The following DNAJC15 variants were observed in gnomAD, a reference collection of about 807,000 sequenced individuals.
DNAJC15 encodes DnaJ heat shock protein family (Hsp40) member C15.
In DNAJC15, 27 loss-of-function variants were observed where a neutral mutation model predicts 22.4. That is an observed-to-expected ratio of 1.20 (90% CI 0.89 to 1.66). DNAJC15 has a LOEUF of 1.66. Among genes scored for constraint, DNAJC15 ranks in the 40% most tolerant of loss-of-function variants. DNAJC15 has a pLI of 0.00. For synonymous variants in DNAJC15, 79 were observed against 63.2 expected (o/e 1.25, Z -1.19); for missense variants, 208 against 187.1 (o/e 1.11, Z -0.65).
rs1159591692 is a variant in DNAJC15 at position 43,112,184 on chromosome 13, TC to T, written c.*4937del. The T allele has an allele frequency of 6.6e-6, 1 of 152,230 alleles. No individual in the cohort carries two copies. The highest frequency in any genetic ancestry group is 1.5e-5 in the Non-Finnish European group (1 of 68,032). The allele number at this position is 152,230 out of a possible 1,614,324, so 9.4% of individuals were successfully genotyped here. ...GCAAAAGAATTTATAAAAAGCTCTT[TC>T]TTTTGTATTAAAAACCCTGCTCAAT... On this transcript the variant is annotated 3_prime_UTR_variant, in exon 6 of 6. Coordinates refer to ENST00000379221, the MANE Select transcript of DNAJC15 (RefSeq NM_013238.3).
rs566784171 is a variant in DNAJC15, at chr13:43,046,541, A to C, written c.109-19145A>C. Among the ~76,000 whole-genome samples, 76 of 152,260 alleles carry C rather than the reference A, an allele frequency of 5.0e-4. 1 individual carries two copies. The South Asian group carries it at 0.016, about 31-fold the overall frequency. On this transcript the variant is annotated intron_variant, in intron 1 of 5. Transcript: ENST00000379221. ...ATCAGGTAGTAAAGAGGGCTCACTA[A>C]AATACAAATTAAGCTAAAAGCAGGA... is the stretch of plus-strand genomic sequence containing the variant.
intron 4 of DNAJC15, 181 bp downstream of exon 4, chr13:43,078,869 A>G: frequency 4.9e-6 from 2 of 410,128 alleles, no homozygotes; most frequent in Non-Finnish European, 4.3e-6. Flanking sequence ...CTAAAAAAAC[A>G]AAACAAAACA....
At chr13:43,067,869 A>G (rs1164970211) in intron 2 of DNAJC15, among the ~76,000 whole-genome samples, 4 of 152,196 alleles carry the variant, frequency 2.6e-5, no homozygotes, top group African/African-American at 9.6e-5. Context: ...GATGACATCT[A>G]TGTGATAAGA....
chr13:43,067,690 A>G (rs2040590345), intron 2 of DNAJC15, among the ~76,000 whole-genome samples: 1 of 152,174 alleles, frequency 6.6e-6, no homozygotes, highest in African/African-American at 2.4e-5. Context: ...GAGAAAGTAC[A>G]CTTAGATGTG....
At chr13:43,084,510 G>T (rs1158135482) in intron 4 of DNAJC15, among the ~76,000 whole-genome samples, 1 of 152,122 alleles carries the variant, frequency 6.6e-6, no homozygotes, top group Non-Finnish European at 1.5e-5. Context: ...CTATTATGTT[G>T]TGGTTCATCC....
chr13:43,093,070 C>CT (rs1360539331), intron 5 of DNAJC15, among the ~76,000 whole-genome samples: 1 of 152,194 alleles, frequency 6.6e-6, no homozygotes, highest in Non-Finnish European at 1.5e-5. Flanking sequence ...TCTACACTGT[C>CT]TAATTTCCTC....
chr13:43,094,063 G>C (rs2040728046), intron 5 of DNAJC15, among the ~76,000 whole-genome samples: 1 of 152,162 alleles, frequency 6.6e-6, no homozygotes, highest in Non-Finnish European at 1.5e-5. Flanking sequence ...ATTCTTCCTT[G>C]CTATTAAACC....
At chr13:43,034,783 A>G (rs902859924) in intron 1 of DNAJC15, among the ~76,000 whole-genome samples, 15 of 152,104 alleles carry the variant, frequency 9.9e-5, no homozygotes, top group South Asian at 6.2e-4. Context: ...TACCTTTGAC[A>G]TACCCCCAAC....
intron 1 of DNAJC15, among the ~76,000 whole-genome samples, chr13:43,033,031 G>C (rs895661357): frequency 1.6e-4 from 24 of 152,114 alleles, no homozygotes; most frequent in Non-Finnish European, 2.2e-4. Flanking sequence ...AGACAGGGAG[G>C]TGCTGCATAC....
At chr13:43,074,561 G>C (rs1222138854) in intron 3 of DNAJC15, among the ~76,000 whole-genome samples, 1 of 152,154 alleles carries the variant, frequency 6.6e-6, no homozygotes, top group East Asian at 1.9e-4. Flanking sequence ...GCTTATACCT[G>C]TAAGTCCTAA....
intron 1 of DNAJC15, among the ~76,000 whole-genome samples, chr13:43,027,318 G>C (rs565125272): frequency 6.6e-6 from 1 of 152,222 alleles, no homozygotes; most frequent in South Asian, 2.1e-4. Flanking sequence ...GTGTGCCGTG[G>C]TGGTTTGCTG....
chr13:43,094,526 C>T (rs1419790672), intron 5 of DNAJC15, among the ~76,000 whole-genome samples: 1 of 152,168 alleles, frequency 6.6e-6, no homozygotes, highest in Non-Finnish European at 1.5e-5. Context: ...GGTCCCTATG[C>T]GTGGCAGGTT....
chr13:43,080,054 T>C (rs8001650), intron 4 of DNAJC15, among the ~76,000 whole-genome samples: 82,052 of 151,936 alleles, frequency 0.54, 22,259 homozygotes, highest in South Asian at 0.65. Flanking sequence ...TATATGTGAA[T>C]TTCTTTTTTT....
rs531517396 is a variant in DNAJC15 at position 43,101,621 on chromosome 13, G to A, written c.383-5557G>A. The stretch of plus-strand genomic sequence containing the variant: ...TCCATTATATCATTCTTATGCCCTT[G>A]TGTCCTCCAAAGTCCATTATATCAT... On this transcript the variant is annotated intron_variant, in intron 5 of 5. Coordinates refer to ENST00000379221, the MANE Select transcript of DNAJC15 (RefSeq NM_013238.3). Among the ~76,000 whole-genome samples the A allele has an allele frequency of 4.6e-5, 7 of 152,034 alleles. No homozygotes were observed. The East Asian group carries it at 9.7e-4, about 21-fold the overall frequency.
rs2281779 is a variant in DNAJC15, at chr13:43,023,844, G to T, written c.108+110G>T. ...TTTGTACTCCCCCGCATTCGCTCACGGTCTGTGCCCTAGCGCTCACTTGTT... is the reference window on the plus strand; with the variant it reads ...TTTGTACTCCCCCGCATTCGCTCACTGTCTGTGCCCTAGCGCTCACTTGTT... On this transcript the variant is annotated intron_variant, in intron 1 of 5. Transcript: ENST00000379221. The T allele has an allele frequency of 3.9e-6, 4 of 1,036,480 alleles. No homozygotes were observed. The East Asian group carries it at 7.9e-5, about 20-fold the overall frequency. The allele number at this position is 1,036,480 out of a possible 1,614,324, so 64.2% of individuals were successfully genotyped here. A position where few individuals can be genotyped will look rare whatever the true frequency, so the allele number is the denominator to read the frequency against.
chr13:43,055,586 TC>T (rs1276575989), intron 1 of DNAJC15, among the ~76,000 whole-genome samples: 3 of 152,234 alleles, frequency 2.0e-5, no homozygotes, highest in Admixed American at 6.5e-5. Context: ...ATCTCCCGTT[TC>T]ATTTCTAATT....
intron 1 of DNAJC15, among the ~76,000 whole-genome samples, chr13:43,055,575 T>C (rs763708730): frequency 6.6e-6 from 1 of 152,254 alleles, no homozygotes; most frequent in Admixed American, 6.5e-5. Flanking sequence ...GCTGCTTCAG[T>C]ATCTCCCGTT....
At chr13:43,093,215 T>G (rs2153441915) in intron 5 of DNAJC15, among the ~76,000 whole-genome samples, 1 of 152,250 alleles carries the variant, frequency 6.6e-6, no homozygotes, top group Admixed American at 6.5e-5. Context: ...CTTAAATATA[T>G]TACTTATAGT....
chr13:43,083,681 A>G (rs1035262874), intron 4 of DNAJC15, among the ~76,000 whole-genome samples: 3 of 152,174 alleles, frequency 2.0e-5, no homozygotes, highest in Non-Finnish European at 2.9e-5. Flanking sequence ...GTAATTTTTC[A>G]GTGTAATTTT....
Sources: allele counts gnomAD v4.1 joint callset (sites outside exome capture counted in the v4.1 genomes callset), GRCh38; gene constraint gnomAD v4.1.1; transcripts MANE v1.5; gene names NCBI Gene and HGNC (gene_info 2026-07-23, HGNC 2026-07-21).